Variants in CLYBL observed in about 807,000 individuals in gnomAD.
CLYBL encodes the protein citramalyl-CoA lyase, mitochondrial.
In CLYBL, 31 loss-of-function variants were observed where a neutral mutation model predicts 38.9. The observed-to-expected ratio is 0.80, with a 90% CI of 0.60 to 1.08. The LOEUF (loss-of-function observed/expected upper bound fraction) is 1.08. CLYBL is among the 50% of genes least tolerant of loss of function. CLYBL has a pLI of 0.00. For missense variants in CLYBL, 434 were observed against 411.6 expected, an observed-to-expected ratio of 1.05 and a Z score of -0.47; for synonymous variants, 171 against 158.6, an observed-to-expected ratio of 1.08 and a Z score of -0.59.
intron 2 of CLYBL, among the ~76,000 whole-genome samples, chr13:99,856,011 C>G (rs920522340): frequency 2.0e-5 from 3 of 152,072 alleles, no homozygotes; most frequent in Non-Finnish European, 4.4e-5. Flanking sequence ...CATTCTGAGC[C>G]AAAATTTTTT....
chr13:99,836,789 G>A (rs562067551), intron 2 of CLYBL, among the ~76,000 whole-genome samples: 2 of 152,172 alleles, frequency 1.3e-5, no homozygotes, highest in African/African-American at 2.4e-5. Context: ...TGTAAAAGGA[G>A]AGTTGGAACC....
chr13:99,826,691 C>T (rs553665844), intron 2 of CLYBL, among the ~76,000 whole-genome samples: 2 of 152,314 alleles, frequency 1.3e-5, no homozygotes, highest in South Asian at 4.1e-4. Context: ...CATATTTTAT[C>T]TTTTAAAAAT....
rs1227697377 is a variant in CLYBL at position 99,745,893 on chromosome 13, A to AG, written c.63-26931_63-26930insG. On this transcript the variant is annotated intron_variant, in intron 1 of 8. Coordinates refer to ENST00000339105, the MANE Select transcript of CLYBL (RefSeq NM_206808.5). ...CAAGGGACTGTGGCTAAATAGAAAA[A>AG]AAAAAAGTCAAAATTCTAAGCTATG... Among the ~76,000 whole-genome samples the AG allele has an allele frequency of 2.0e-5, 3 of 151,730 alleles. No individual in the cohort carries two copies. In the East Asian group the frequency reaches 5.8e-4, roughly 29 times the overall value.
At chr13:99,729,295 T>G (rs769610196) in intron 1 of CLYBL, among the ~76,000 whole-genome samples, 2 of 152,250 alleles carry the variant, frequency 1.3e-5, no homozygotes, top group Non-Finnish European at 2.9e-5. Context: ...AACATACATG[T>G]GATCTTAGCC....
At chr13:99,631,960 G>T (rs1038440597) in intron 1 of CLYBL, among the ~76,000 whole-genome samples, 3 of 152,202 alleles carry the variant, frequency 2.0e-5, no homozygotes, top group African/African-American at 7.2e-5. Flanking sequence ...AAATCAGGCA[G>T]AAACTGGAGG....
At chr13:99,659,571 G>C (rs970960670) in intron 1 of CLYBL, among the ~76,000 whole-genome samples, 1 of 152,068 alleles carries the variant, frequency 6.6e-6, no homozygotes, top group Non-Finnish European at 1.5e-5. Flanking sequence ...TCTATTGTTT[G>C]CTTGTTGATG....
At chr13:99,676,451 C>T (rs149912732) in intron 1 of CLYBL, among the ~76,000 whole-genome samples, 67 of 151,938 alleles carry the variant, frequency 4.4e-4, no homozygotes, top group Non-Finnish European at 9.1e-4. Context: ...CAGGCACCTG[C>T]CACCAGGCCT....
At chr13:99,623,213 T>G (rs1364410185) in intron 1 of CLYBL, among the ~76,000 whole-genome samples, 2 of 152,208 alleles carry the variant, frequency 1.3e-5, no homozygotes, top group Non-Finnish European at 2.9e-5. Flanking sequence ...CATTTTACAT[T>G]CCACCAGCAA....
chr13:99,871,205 G>A, intron 7 of CLYBL, 143 bp downstream of exon 7: 1 of 937,296 alleles, frequency 1.1e-6, no homozygotes, highest in South Asian at 1.6e-5. Flanking sequence ...ACATTCACCA[G>A]TGAGAAAATT....
chr13:99,898,053 T>TA (rs1335244524), downstream of CLYBL, among the ~76,000 whole-genome samples: 1 of 152,172 alleles, frequency 6.6e-6, no homozygotes, highest in African/African-American at 2.4e-5. Context: ...AAGGAGTTGA[T>TA]ACGCTGAAAA....
rs1428669690 is a variant in CLYBL, at chr13:99,892,181, C to A, written c.*25-262C>A. On this transcript the variant is annotated intron_variant, in intron 8 of 8. Coordinates refer to ENST00000339105, the MANE Select transcript of CLYBL (RefSeq NM_206808.5). ...TAACTGTTTGCCATTGAGGCTATTT[C>A]CCCCTGGAAATGTATGGCTGGGACA... is the stretch of plus-strand genomic sequence containing the variant. The A allele has an allele frequency of 2.6e-5, 4 of 152,158 alleles. No homozygotes were observed. In the East Asian group the frequency reaches 5.8e-4, roughly 22 times the overall value. 9.4% of individuals were successfully genotyped at this position (152,158 alleles called of 1,614,324 possible).
intron 1 of CLYBL, among the ~76,000 whole-genome samples, chr13:99,627,513 G>C (rs567500379): frequency 1.3e-5 from 2 of 152,192 alleles, no homozygotes; most frequent in South Asian, 4.2e-4. Flanking sequence ...TTCTGTGTGC[G>C]AGTTTTAAGT....
intron 1 of CLYBL, among the ~76,000 whole-genome samples, chr13:99,712,071 A>T (rs2048242672): frequency 6.6e-6 from 1 of 152,180 alleles, no homozygotes; most frequent in Non-Finnish European, 1.5e-5. Flanking sequence ...CACCAACCAA[A>T]GGCCTCACCT....
At chr13:99,620,691 C>T (rs557003605) in intron 1 of CLYBL, among the ~76,000 whole-genome samples, 11 of 152,088 alleles carry the variant, frequency 7.2e-5, no homozygotes, top group East Asian at 3.9e-4. Context: ...GCAGGAGAAT[C>T]GCTTAAACCC....
chr13:99,908,372 C>T, exon 10 of CLYBL, among the ~76,000 whole-genome samples: 1 of 152,196 alleles, frequency 6.6e-6, no homozygotes, highest in East Asian at 1.9e-4. Context: ...ATGCTACAGG[C>T]CAGCCTTCAA....
downstream of CLYBL, among the ~76,000 whole-genome samples, chr13:99,898,527 C>G (rs1021809590): frequency 2.6e-5 from 4 of 152,148 alleles, no homozygotes; most frequent in Admixed American, 1.3e-4. Flanking sequence ...GCCTGGAATT[C>G]GTGCGGTGGC....
chr13:99,667,832 A>T (rs1350016582), intron 1 of CLYBL, among the ~76,000 whole-genome samples: 1 of 152,172 alleles, frequency 6.6e-6, no homozygotes, highest in Non-Finnish European at 1.5e-5. Flanking sequence ...CAATTGGCAA[A>T]TGGTCTGTTT....
At chr13:99,634,759 A>G (rs974808105) in intron 1 of CLYBL, among the ~76,000 whole-genome samples, 2 of 152,202 alleles carry the variant, frequency 1.3e-5, no homozygotes, top group Admixed American at 1.3e-4. Context: ...TCTCCCTTGT[A>G]AGGAATATGA....
chr13:99,688,637 T>C (rs2047854012), intron 1 of CLYBL, among the ~76,000 whole-genome samples: 1 of 151,916 alleles, frequency 6.6e-6, no homozygotes, highest in African/African-American at 2.4e-5. Flanking sequence ...CATTACTCTT[T>C]AAGAATAACA....
Sources: gnomAD v4.1 joint callset for allele counts (sites outside exome capture counted in the v4.1 genomes callset) on GRCh38, gnomAD v4.1.1 for gene constraint, MANE v1.5 for transcripts, NCBI Gene and HGNC (gene_info 2026-07-23, HGNC 2026-07-21) for gene names.